Variants in GPC6 observed in about 807,000 individuals in gnomAD.
GPC6 encodes glypican-6.
Under a neutral mutation model 55.2 loss-of-function variants are expected in GPC6, and 14 were observed. The observed-to-expected ratio is 0.25, with a 90% CI of 0.17 to 0.40. The LOEUF is 0.40. Among genes scored for constraint, GPC6 ranks in the 10% least tolerant of loss-of-function variants. GPC6 has a pLI of 1.00. For missense variants in GPC6, 641 were observed against 708.5 expected, an observed-to-expected ratio of 0.90 and a Z score of 1.08; for synonymous variants, 278 against 259.6, an observed-to-expected ratio of 1.07 and a Z score of -0.68.
intron 3 of GPC6, among the ~76,000 whole-genome samples, chr13:93,920,127 T>C (rs1413108680): frequency 6.6e-6 from 1 of 152,158 alleles, no homozygotes; most frequent in East Asian, 1.9e-4. Context: ...TCCTTGACCC[T>C]TCCTTAGTTT....
At chr13:94,154,694 A>G (rs1213307337) in intron 4 of GPC6, among the ~76,000 whole-genome samples, 6 of 152,146 alleles carry the variant, frequency 3.9e-5, no homozygotes, top group African/African-American at 1.4e-4. Context: ...CACAACCCAA[A>G]AAAAAGGGCA....
intron 2 of GPC6, among the ~76,000 whole-genome samples, chr13:93,584,151 A>G (rs1011238190): frequency 6.6e-6 from 1 of 152,194 alleles, no homozygotes; most frequent in Non-Finnish European, 1.5e-5. Context: ...TCAAGAGTCA[A>G]GTACTTATTC....
At chr13:93,792,212 T>C (rs141120254) in intron 2 of GPC6, among the ~76,000 whole-genome samples, 3 of 152,376 alleles carry the variant, frequency 2.0e-5, no homozygotes, top group African/African-American at 7.2e-5. Flanking sequence ...AGCGTGTGTT[T>C]GTGCCTCTAT....
chr13:94,050,484 A>G (rs1018072986), intron 4 of GPC6, among the ~76,000 whole-genome samples: 13 of 152,156 alleles, frequency 8.5e-5, no homozygotes, highest in African/African-American at 1.2e-4. Flanking sequence ...TGTCCTTCCA[A>G]TTGACATCCT....
chr13:94,150,116 A>T (rs1887687238), intron 4 of GPC6, among the ~76,000 whole-genome samples: 1 of 152,082 alleles, frequency 6.6e-6, no homozygotes, highest in Admixed American at 6.6e-5. Context: ...GAACAGTGCC[A>T]TCTGCCTCTA....
intron 1 of GPC6, among the ~76,000 whole-genome samples, chr13:93,268,321 G>A (rs767582823): frequency 1.3e-5 from 2 of 152,244 alleles, no homozygotes; most frequent in Non-Finnish European, 2.9e-5. Context: ...GATCTGTAAC[G>A]AAAACTCTGC....
chr13:93,497,229 A>G (rs186900179), intron 1 of GPC6, among the ~76,000 whole-genome samples: 1 of 152,360 alleles, frequency 6.6e-6, no homozygotes, highest in East Asian at 1.9e-4. Context: ...TAGGGCATCT[A>G]CATTCACATT....
intron 4 of GPC6, among the ~76,000 whole-genome samples, chr13:94,150,483 C>T (rs1887698737): frequency 6.6e-6 from 1 of 152,066 alleles, no homozygotes; most frequent in East Asian, 1.9e-4. Flanking sequence ...CTTCATTTCT[C>T]ACCTCAACCT....
At chr13:93,233,502 G>A (rs1036315665) in intron 1 of GPC6, among the ~76,000 whole-genome samples, 9 of 152,104 alleles carry the variant, frequency 5.9e-5, no homozygotes, top group Non-Finnish European at 1.0e-4. Context: ...ACCAGGTTCT[G>A]GGGGTAGAAC....
At chr13:93,303,388 C>A (rs112557173) in intron 1 of GPC6, among the ~76,000 whole-genome samples, 127 of 152,276 alleles carry the variant, frequency 8.3e-4, no homozygotes, top group African/African-American at 2.9e-3. Context: ...CACATGAAAT[C>A]TTTAGGACAG....
intron 1 of GPC6, among the ~76,000 whole-genome samples, chr13:93,371,142 G>T (rs1286279800): frequency 2.6e-4 from 40 of 152,074 alleles, no homozygotes. Flanking sequence ...CATAGTTCTT[G>T]ACATATGCAT....
chr13:94,179,413 A>C (rs1270668627), intron 4 of GPC6, among the ~76,000 whole-genome samples: 1 of 152,180 alleles, frequency 6.6e-6, no homozygotes, highest in African/African-American at 2.4e-5. Context: ...TAGCAGGAAT[A>C]AAAATGTACC....
chr13:94,026,260 C>T (rs1295123191), intron 3 of GPC6, among the ~76,000 whole-genome samples: 1 of 152,082 alleles, frequency 6.6e-6, no homozygotes, highest in Non-Finnish European at 1.5e-5. Flanking sequence ...CAAAGGCTTG[C>T]ATTAAGAATC....
In GPC6 at chr13:94,027,912, G is replaced by A; in HGVS notation, c.877+18G>A. 1 of 1,610,842 alleles carries A rather than the reference G, an allele frequency of 6.2e-7. No individual in the cohort carries two copies. Among genetic ancestry groups the A allele is most frequent in the South Asian group, 1.1e-5 (1 of 91,010 alleles). On this transcript the variant is annotated intron_variant, in intron 4 of 8. Transcript: ENST00000377047. ...GTTTATAGGTAAGAAGTGTTTAAAT[G>A]GATCCGAGAACAGAGACGGGACAAC...
At chr13:93,368,390 G>GTCCTTCCTTCCTTCCTTCCTTCCT (rs1168320888) in intron 1 of GPC6, among the ~76,000 whole-genome samples, 9 of 56,316 alleles carry the variant, frequency 1.6e-4, no homozygotes, top group African/African-American at 4.6e-4. Context: ...CCTTCCTTCC[G>GTCCTTCCTTCCTTCCTTCCTTCCT]TCCTTCCTTC....
intron 2 of GPC6, among the ~76,000 whole-genome samples, chr13:93,657,792 G>A (rs903930612): frequency 2.6e-5 from 4 of 151,784 alleles, no homozygotes; most frequent in African/African-American, 9.7e-5. Context: ...AATGGGCAAA[G>A]AACATGAACA....
intron 4 of GPC6, among the ~76,000 whole-genome samples, chr13:94,086,923 G>C (rs1885304211): frequency 1.3e-5 from 2 of 152,192 alleles, no homozygotes; most frequent in African/African-American, 4.8e-5. Context: ...TAGTGGTTCA[G>C]AAGTAAAACT....
intron 4 of GPC6, among the ~76,000 whole-genome samples, chr13:94,090,659 CTG>C (rs1176882824): frequency 2.6e-5 from 3 of 114,318 alleles, no homozygotes; most frequent in East Asian, 2.4e-4. Flanking sequence ...TTTATAATAA[CTG>C]TTTTTAACAA....
chr13:93,496,298 C>G (rs544057646), intron 1 of GPC6, among the ~76,000 whole-genome samples: 3 of 152,282 alleles, frequency 2.0e-5, no homozygotes, highest in Admixed American at 6.5e-5. Context: ...CAGGTGCGTC[C>G]CTCACCCCTT....
Sources: allele counts gnomAD v4.1 joint callset (sites outside exome capture counted in the v4.1 genomes callset), GRCh38; gene constraint gnomAD v4.1.1; transcripts MANE v1.5; gene names NCBI Gene and HGNC (gene_info 2026-07-23, HGNC 2026-07-21).